NANOS3: variants seen among roughly 807,000 people sequenced by gnomAD.
NANOS3 encodes nanos C2HC-type zinc finger 3, also known as nanos homolog 3.
A neutral mutation model predicts 13.8 loss-of-function variants in NANOS3; 11 were observed. The observed-to-expected ratio is 0.80, with a 90% CI of 0.50 to 1.32. NANOS3 has a LOEUF of 1.32. Among genes scored for constraint, NANOS3 ranks in the 40% most tolerant of loss-of-function variants. NANOS3 has a pLI of 0.00. For missense variants in NANOS3, 221 were observed against 263.8 expected (o/e 0.84, Z 1.12); for synonymous variants, 119 against 115.4 (o/e 1.03, Z -0.20).
intron 1 of NANOS3, among the ~76,000 whole-genome samples, chr19:13,868,207 C>T (rs1166151774): frequency 2.6e-5 from 4 of 151,672 alleles, no homozygotes; most frequent in Admixed American, 1.3e-4. Flanking sequence ...TACAGGCGCC[C>T]GCTACCATGC....
chr19:13,866,193 G>A (rs1690713017), intron 1 of NANOS3, among the ~76,000 whole-genome samples: 1 of 152,156 alleles, frequency 6.6e-6, no homozygotes, highest in African/African-American at 2.4e-5. Context: ...AAATGGCCCC[G>A]AATCCCACTG....
At chr19:13,871,448 G>T (rs1976326290) in intron 1 of NANOS3, among the ~76,000 whole-genome samples, 1 of 152,192 alleles carries the variant, frequency 6.6e-6, no homozygotes, top group Non-Finnish European at 1.5e-5. Flanking sequence ...CAGGATTGGG[G>T]CTGCCGGCCT....
chr19:13,870,118 GCGTCTCACTCACTGCAGCCT>G (rs1976304111), intron 1 of NANOS3, among the ~76,000 whole-genome samples: 1 of 151,356 alleles, frequency 6.6e-6, no homozygotes, highest in African/African-American at 2.4e-5. Flanking sequence ...TGGCGTGACT[GCGTCTCACTCACTGCAGCCT>G]CGACTTCCCT....
upstream of NANOS3, among the ~76,000 whole-genome samples, chr19:13,876,762 A>G (rs1229908062): frequency 6.6e-6 from 1 of 152,216 alleles, no homozygotes. Flanking sequence ...AGAAAAAGTT[A>G]TAAAGAAGTT....
chr19:13,877,118 G>T (rs1968527800), upstream of NANOS3: 1 of 797,654 alleles, frequency 1.3e-6, no homozygotes, highest in African/African-American at 1.7e-5. Context: ...AGGAGGGTCG[G>T]CCAGCACAGA....
At position 13,880,451 on chromosome 19, in the gene NANOS3, G is replaced by A; in HGVS notation, c.527G>A (p.Gly176Asp). The A allele has an allele frequency of 1.1e-5, 17 of 1,614,026 alleles. No individual in the cohort carries two copies. The highest frequency in any genetic ancestry group is 1.4e-5 in the Non-Finnish European group (17 of 1,179,930). Reference protein sequence around the residue: ...RGGGGGAGFRGAGKSEPSPSC... With the variant: ...RGGGGGAGFRDAGKSEPSPSC... ...CCTCCCCCTCCACTAGGTTTCAGAGGTGCCGGGAAGTCTGAGCCTTCGCCC... is the reference window on the plus strand; with the variant it reads ...CCTCCCCCTCCACTAGGTTTCAGAGATGCCGGGAAGTCTGAGCCTTCGCCC... The change falls in exon 2 of 2, where the codon GGT becomes GAT. Residue 176 changes from glycine (G) to aspartate (D), a missense_variant. This residue lies in a region of NANOS3 where 60 missense variants were observed against 56.5 expected (regional missense o/e 1.06). Transcript: ENST00000339133.
intron 1 of NANOS3, among the ~76,000 whole-genome samples, chr19:13,869,553 G>A (rs1185728125): frequency 2.0e-5 from 3 of 151,992 alleles, no homozygotes; most frequent in Non-Finnish European, 4.4e-5. Flanking sequence ...TGCGGAGGGT[G>A]GGGTGGGAAC....
At chr19:13,873,997 G>T (rs1218171147), upstream of NANOS3, among the ~76,000 whole-genome samples, 6 of 152,140 alleles carry the variant, frequency 3.9e-5, no homozygotes, top group Admixed American at 3.9e-4. Flanking sequence ...AGGGGGCGCC[G>T]CAGCCGGTTT....
chr19:13,877,935 G>A (rs574772695), intron 1 of NANOS3, among the ~76,000 whole-genome samples, 170 bp downstream of exon 1: 7 of 152,266 alleles, frequency 4.6e-5, no homozygotes, highest in Admixed American at 4.6e-4. Context: ...CTTGAGACAG[G>A]TCTCTTTCTG....
chr19:13,869,811 T>C (rs939143930), intron 1 of NANOS3, among the ~76,000 whole-genome samples: 9 of 149,994 alleles, frequency 6.0e-5, no homozygotes, highest in African/African-American at 2.0e-4. Flanking sequence ...TACAGTTACA[T>C]ACAACACACA....
chr19:13,879,101 G>A (rs182449147), intron 1 of NANOS3, among the ~76,000 whole-genome samples: 4 of 151,966 alleles, frequency 2.6e-5, no homozygotes, highest in Admixed American at 6.6e-5. Flanking sequence ...CACCACGCAC[G>A]GCTAATTTTT....
upstream of NANOS3, among the ~76,000 whole-genome samples, chr19:13,862,778 C>T (rs1054691285): frequency 6.6e-6 from 1 of 152,130 alleles, no homozygotes; most frequent in Non-Finnish European, 1.5e-5. Context: ...ACCTCGTGAT[C>T]CGCCCGCCTC....
chr19:13,871,952 T>C (rs1976333908), intron 1 of NANOS3, among the ~76,000 whole-genome samples: 1 of 152,030 alleles, frequency 6.6e-6, no homozygotes, highest in South Asian at 2.1e-4. Context: ...TGAGCTGTGA[T>C]TGCGCCACTG....
chr19:13,864,354 C>T (rs1472809883), upstream of NANOS3, among the ~76,000 whole-genome samples: 1 of 152,052 alleles, frequency 6.6e-6, no homozygotes. Flanking sequence ...GTACACATCC[C>T]CACGTGCCCC....
chr19:13,869,753 TACACACACAC>T (rs147933094), intron 1 of NANOS3, among the ~76,000 whole-genome samples: 1 of 146,518 alleles, frequency 6.8e-6, no homozygotes, highest in African/African-American at 2.5e-5. Context: ...CAGGCCCAAG[TACACACACAC>T]ACACACGCAC....
At chr19:13,870,344 G>A (rs576116510) in intron 1 of NANOS3, among the ~76,000 whole-genome samples, 166 of 152,182 alleles carry the variant, frequency 1.1e-3, no homozygotes, top group African/African-American at 3.9e-3. Flanking sequence ...GCCTCCCAAA[G>A]CAGTGGGATG....
At chr19:13,873,004 C>G (rs1233106135), upstream of NANOS3, among the ~76,000 whole-genome samples, 1 of 128,274 alleles carries the variant, frequency 7.8e-6, no homozygotes, top group Non-Finnish European at 1.7e-5. Context: ...CGGGGCGGAC[C>G]TTAGTGGGGG....
At position 13,877,819 on chromosome 19, in the gene NANOS3, C is replaced by G. The variant is rs541258451; in HGVS notation, c.517+54C>G. 1.5e-5 allele frequency: 23 copies of G among 1,504,134 alleles called. No individual in the cohort carries two copies. In the African/African-American group the frequency reaches 2.8e-4, roughly 18 times the overall value. The allele number at this position is 1,504,134 out of a possible 1,614,324, so 93.2% of individuals were successfully genotyped here. On this transcript the variant is annotated intron_variant, in intron 1 of 1. Coordinates refer to ENST00000339133, the MANE Select transcript of NANOS3 (RefSeq NM_001098622.3). ...TGTCCGAGGGTAGTGGCTGAGCCCC[C>G]CTGTGAAGTAAGATTAGCCCCAGTA...
upstream of NANOS3, among the ~76,000 whole-genome samples, chr19:13,863,621 T>G (rs1976189225): frequency 6.6e-6 from 1 of 152,070 alleles, no homozygotes; most frequent in African/African-American, 2.4e-5. Flanking sequence ...CATGGAGGTA[T>G]GATTACTAGA....
Sources: allele counts gnomAD v4.1 joint callset (sites outside exome capture counted in the v4.1 genomes callset), GRCh38; gene constraint gnomAD v4.1.1; regional missense constraint gnomAD v4.1.1; transcripts MANE v1.5; gene names NCBI Gene and HGNC (gene_info 2026-07-23, HGNC 2026-07-21).